NCR2: variants seen among roughly 807,000 people sequenced by gnomAD.
The protein encoded by NCR2 is NK cell activating receptor (NKp44).
A neutral mutation model predicts 30.7 loss-of-function variants in NCR2; 35 were observed. That is an observed-to-expected ratio of 1.14 (90% confidence interval 0.87 to 1.51). The LOEUF (loss-of-function observed/expected upper bound fraction) is 1.51. NCR2 is among the 40% of genes most tolerant of loss of function. NCR2 has a pLI of 0.00. For synonymous variants in NCR2, 146 were observed against 134.8 expected (o/e 1.08, Z -0.58); for missense variants, 316 against 328.9 (o/e 0.96, Z 0.30).
chr6:41,350,203 C>T (rs749361963), intron 4 of NCR2, among the ~76,000 whole-genome samples: 21 of 152,160 alleles, frequency 1.4e-4, no homozygotes, highest in South Asian at 4.1e-4. Flanking sequence ...TATTACCAAG[C>T]TATTTGGATT....
chr6:41,345,125 G>A (rs1328333850), intron 4 of NCR2, among the ~76,000 whole-genome samples: 1 of 152,102 alleles, frequency 6.6e-6, no homozygotes, highest in Non-Finnish European at 1.5e-5. Flanking sequence ...TGCAGCTGTT[G>A]AGAGAGAGGA....
chr6:41,337,699 A>T (rs1029985627), intron 2 of NCR2, among the ~76,000 whole-genome samples: 6 of 152,228 alleles, frequency 3.9e-5, no homozygotes, highest in African/African-American at 1.4e-4. Context: ...AAATAGAAGA[A>T]ATTTTAAAGC....
chr6:41,346,286 G>A (rs564595635), intron 4 of NCR2, among the ~76,000 whole-genome samples: 7 of 152,162 alleles, frequency 4.6e-5, no homozygotes, highest in Non-Finnish European at 7.4e-5. Context: ...CAGTGGTCTC[G>A]TCCTCTTCCC....
chr6:41,342,731 G>A (rs1273491470), intron 4 of NCR2, among the ~76,000 whole-genome samples: 2 of 152,182 alleles, frequency 1.3e-5, no homozygotes, highest in African/African-American at 2.4e-5. Flanking sequence ...GTAGACACAG[G>A]AGGGAAACAG....
At position 41,338,792 on chromosome 6, in the gene NCR2, G is replaced by A. The variant is rs73417204; in HGVS notation, c.394+2364G>A. Among the ~76,000 whole-genome samples the A allele has an allele frequency of 7.1e-3, 1,087 of 152,294 alleles. 14 individuals are homozygous for A. Among genetic ancestry groups the A allele is most frequent in the African/African-American group, 0.024 (978 of 41,558 alleles). ...ATTCCTGAATATGTTGACCTAAGGC[G>A]TCAAGGGAAAATGATATCAAGCTCC... On this transcript the variant is annotated intron_variant, in intron 2 of 4. Transcript: ENST00000373089.
At chr6:41,339,813 G>A (rs1468701217) in intron 2 of NCR2, among the ~76,000 whole-genome samples, 1 of 152,202 alleles carries the variant, frequency 6.6e-6, no homozygotes, top group African/African-American at 2.4e-5. Flanking sequence ...ACCACAATGA[G>A]AGATTCTACT....
Position 41,335,730 on chromosome 6 carries a change from C to A in NCR2, c.-147C>A. 1 of 874,590 alleles carries A rather than the reference C, an allele frequency of 1.1e-6. No homozygotes were observed. The highest frequency in any genetic ancestry group is 1.5e-5 in the South Asian group (1 of 68,830). The allele number at this position is 874,590 out of a possible 1,614,324, so 54.2% of individuals were successfully genotyped here. A position where few individuals can be genotyped will look rare whatever the true frequency, so the allele number is the denominator to read the frequency against. ...GCCCACAGAATCTGCCCTTTGCAGT[C>A]TCCCATCTCCCCAACCCAGGCCTCA... On this transcript the variant is annotated 5_prime_UTR_variant, in exon 1 of 5. Coordinates refer to ENST00000373089, the MANE Select transcript of NCR2 (RefSeq NM_004828.4).
chr6:41,344,418 C>T (rs1419398375), intron 4 of NCR2, among the ~76,000 whole-genome samples: 12 of 152,222 alleles, frequency 7.9e-5, no homozygotes, highest in East Asian at 1.9e-4. Context: ...CTCTTTCTGA[C>T]GCTTACAATC....
At chr6:41,335,997 C>G in intron 1 of NCR2, 69 bp downstream of exon 1, 1 of 1,583,520 alleles carries the variant, frequency 6.3e-7, no homozygotes, top group Non-Finnish European at 8.6e-7. Context: ...ACAGCAGGGT[C>G]AGGGAGCAGG....
At chr6:41,342,209 A>T in intron 4 of NCR2, 60 bp downstream of exon 4, 1 of 1,594,774 alleles carries the variant, frequency 6.3e-7, no homozygotes, top group South Asian at 1.1e-5. Flanking sequence ...TCTGCCCAGG[A>T]TAGAGGGTCA....
chr6:41,342,146 G>A lies in NCR2; in HGVS notation c.641G>A (p.Trp214Ter). ...CTGGTGCTGTCAGCCCTGCTCGTCT[G>A]GTGGTGAGTGTGGTGTGGGTTGAAC... ...KSLVLSALLVWWGDIWWKTMM... is the reference protein window; with the variant it reads ...KSLVLSALLV The change falls in exon 4 of 5, where the codon TGG (tryptophan) becomes TAG (stop). Residue 214 changes from tryptophan to a stop codon, truncating the protein, a stop_gained. Transcript: ENST00000373089. LOFTEE classifies it high-confidence loss of function. 6.2e-7 allele frequency: 1 copy of A among 1,612,700 alleles called. No individual in the cohort carries two copies. The highest frequency in any genetic ancestry group is 8.5e-7 in the Non-Finnish European group (1 of 1,180,002).
rs1003800221 is a variant in NCR2 at position 41,341,785 on chromosome 6, C to T, written c.395-9C>T. The stretch of plus-strand genomic sequence containing the variant: ...ACTCACTAACCACGCTCTTTCTCCT[C>T]CCTGGCAGCCTCTGCCTCCACACAG... On this transcript the variant is annotated splice_polypyrimidine_tract_variant and intron_variant, in intron 2 of 4. Transcript: ENST00000373089. 6.2e-6 allele frequency: 10 copies of T among 1,606,612 alleles called. No homozygotes were observed. The highest frequency in any genetic ancestry group is 8.5e-6 in the Non-Finnish European group (10 of 1,177,160).
intron 4 of NCR2, chr6:41,342,824 A>G: frequency 9.3e-7 from 1 of 1,080,080 alleles, no homozygotes. Flanking sequence ...TCAGGCCAGG[A>G]GCCGGCTTGC....
At chr6:41,338,294 T>C (rs1310613002) in intron 2 of NCR2, among the ~76,000 whole-genome samples, 2 of 152,244 alleles carry the variant, frequency 1.3e-5, no homozygotes, top group East Asian at 3.8e-4. Flanking sequence ...TCTGTTTCCA[T>C]ATTACCACAT....
intron 4 of NCR2, among the ~76,000 whole-genome samples, chr6:41,346,208 C>T (rs886900070): frequency 2.6e-5 from 4 of 152,150 alleles, no homozygotes; most frequent in South Asian, 4.1e-4. Flanking sequence ...CTTGGGCCCA[C>T]GTAGACAAGA....
chr6:41,343,941 G>A lies in NCR2; in HGVS notation c.644+1792G>A, dbSNP rs575360455. Among the ~76,000 whole-genome samples, 4 of 152,078 alleles carry A rather than the reference G, an allele frequency of 2.6e-5. No homozygotes were observed. In the East Asian group the frequency reaches 5.8e-4, roughly 22 times the overall value. ...CTGATTTAACACCCCAAATCCAGAC[G>A]CCTGGGTCACCCCAACGTTTCCCTC... On this transcript the variant is annotated intron_variant, in intron 4 of 4. Transcript: ENST00000373089.
At chr6:41,345,554 C>T (rs1769280067) in intron 4 of NCR2, among the ~76,000 whole-genome samples, 1 of 152,050 alleles carries the variant, frequency 6.6e-6, no homozygotes, top group Non-Finnish European at 1.5e-5. Flanking sequence ...CAAGTGAGAT[C>T]CCAGGTCTCC....
chr6:41,342,653 C>G (rs1199765915), intron 4 of NCR2, among the ~76,000 whole-genome samples: 1 of 152,142 alleles, frequency 6.6e-6, no homozygotes, highest in Non-Finnish European at 1.5e-5. Context: ...CAGGCAAGCC[C>G]AAGTCCAGGG....
Position 41,341,869 on chromosome 6 carries a change from C to T in NCR2, c.470C>T (p.Pro157Leu). The T allele has an allele frequency of 1.2e-6, 2 of 1,613,946 alleles. No homozygotes were observed. The highest frequency in any genetic ancestry group is 2.2e-5 in the East Asian group (1 of 44,880). Residue 157 changes from proline (P) to leucine (L), a missense_variant, in exon 3 of 5, where the codon CCT (proline) becomes CTT (leucine). Physicochemically the swap from Pro to Leu is moderately conservative, Grantham distance 98. Transcript: ENST00000373089. Reference sequence around the variant, plus strand: ...CAGACCCAGACCCAGAGCTGTGTGCCTCCCACTGCAGGAGCCAGACAAGCC... The same window carrying T: ...CAGACCCAGACCCAGAGCTGTGTGCTTCCCACTGCAGGAGCCAGACAAGCC... Reference protein sequence around the residue: ...SSQTQTQSCVPPTAGARQAPE... With the variant: ...SSQTQTQSCVLPTAGARQAPE...
Sources: allele counts gnomAD v4.1 joint callset (sites outside exome capture counted in the v4.1 genomes callset), GRCh38; gene constraint gnomAD v4.1.1; transcripts MANE v1.5; gene names NCBI Gene and HGNC (gene_info 2026-07-23, HGNC 2026-07-21).